MAML3: variants seen among roughly 807,000 people sequenced by gnomAD.
MAML3 encodes mastermind-like protein 3.
Under a neutral mutation model 101.9 loss-of-function variants are expected in MAML3, and 27 were observed. That is an observed-to-expected ratio of 0.27 (90% CI 0.20 to 0.37). The LOEUF (loss-of-function observed/expected upper bound fraction) is 0.37, where lower values mean the gene tolerates loss of function less well. Ranked by LOEUF, MAML3 falls within the 10% of genes least tolerant of loss-of-function variation. MAML3 has a pLI of 1.00. For synonymous variants in MAML3, 501 were observed against 555.9 expected (o/e 0.90, Z 1.39); for missense variants, 1,316 against 1,444.9 (o/e 0.91, Z 1.45).
chr4:139,732,117 T>C (rs1728749457), intron 2 of MAML3, among the ~76,000 whole-genome samples: 1 of 152,212 alleles, frequency 6.6e-6, no homozygotes, highest in African/African-American at 2.4e-5. Context: ...AAGAAGCAAA[T>C]GTGAATAACT....
intron 1 of MAML3, among the ~76,000 whole-genome samples, chr4:140,104,408 A>AAT (rs1553976077): frequency 5.8e-4 from 32 of 54,940 alleles, no homozygotes; most frequent in African/African-American, 2.9e-3. Context: ...TATAATATAT[A>AAT]ATATAATATA....
intron 1 of MAML3, among the ~76,000 whole-genome samples, chr4:139,986,078 T>C (rs1033173546): frequency 6.6e-6 from 1 of 152,240 alleles, no homozygotes; most frequent in Non-Finnish European, 1.5e-5. Flanking sequence ...AGGGTCAGGA[T>C]AAGCAGAAGA....
chr4:140,073,390 G>A (rs1210573934), intron 1 of MAML3, among the ~76,000 whole-genome samples: 4 of 152,068 alleles, frequency 2.6e-5, no homozygotes, highest in Non-Finnish European at 4.4e-5. Flanking sequence ...CACCCACGTA[G>A]GTCTCCCAAA....
intron 1 of MAML3, among the ~76,000 whole-genome samples, chr4:140,092,104 G>GTATATATATATATATACGTATATA (rs1416440469): frequency 1.5e-3 from 115 of 79,160 alleles, no homozygotes; most frequent in African/African-American, 4.6e-3. Context: ...ATATATATAC[G>GTATATATATATATATACGTATATA]TATATATATA....
At chr4:139,809,358 T>C (rs28528769) in intron 2 of MAML3, among the ~76,000 whole-genome samples, 4,242 of 152,348 alleles carry the variant, frequency 0.028, 205 homozygotes, top group African/African-American at 0.096. Flanking sequence ...TGCTCTTAGC[T>C]GCTGATTTTA....
intron 2 of MAML3, among the ~76,000 whole-genome samples, chr4:139,845,408 G>A (rs1220826941): frequency 1.3e-5 from 2 of 152,322 alleles, no homozygotes; most frequent in South Asian, 4.1e-4. Flanking sequence ...AACTGGCAGA[G>A]ACACATAGGT....
chr4:139,797,765 A>G (rs1730536817), intron 2 of MAML3, among the ~76,000 whole-genome samples: 1 of 152,158 alleles, frequency 6.6e-6, no homozygotes, highest in Non-Finnish European at 1.5e-5. Context: ...CCCCCCAAAA[A>G]AGACTTGAAG....
At chr4:139,991,386 T>C (rs1457279958) in intron 1 of MAML3, among the ~76,000 whole-genome samples, 2 of 152,170 alleles carry the variant, frequency 1.3e-5, no homozygotes, top group East Asian at 3.9e-4. Context: ...CCTTACACCT[T>C]ATACAAAAAT....
chr4:140,014,292 G>A (rs544078401), intron 1 of MAML3, among the ~76,000 whole-genome samples: 4 of 152,210 alleles, frequency 2.6e-5, no homozygotes, highest in East Asian at 3.9e-4. Context: ...GACAAAGCAC[G>A]ATAAATGATC....
intron 3 of MAML3, among the ~76,000 whole-genome samples, chr4:139,726,430 T>C (rs1326047843): frequency 6.6e-6 from 1 of 152,204 alleles, no homozygotes; most frequent in Non-Finnish European, 1.5e-5. Context: ...CATCTGTATG[T>C]ATTTCTGATG....
At chr4:139,812,988 A>AAG (rs397736765) in intron 2 of MAML3, among the ~76,000 whole-genome samples, 4 of 143,080 alleles carry the variant, frequency 2.8e-5, no homozygotes, top group East Asian at 1.9e-4. Flanking sequence ...AAAAAAAAAA[A>AAG]GGGGAGAACC....
intron 1 of MAML3, among the ~76,000 whole-genome samples, chr4:139,925,529 C>T (rs554823914): frequency 6.6e-4 from 100 of 151,774 alleles, no homozygotes; most frequent in Non-Finnish European, 1.3e-3. Flanking sequence ...TGGATCCGGC[C>T]CCAGTCCCTG....
chr4:139,921,763 G>A (rs1733134896), intron 1 of MAML3, among the ~76,000 whole-genome samples: 1 of 152,130 alleles, frequency 6.6e-6, no homozygotes, highest in South Asian at 2.1e-4. Context: ...ACCTTAAGCT[G>A]CCAGCACTAC....
rs1451491703 is a variant in MAML3, at chr4:139,716,975, A to T, written c.*2348T>A. 2.0e-5 allele frequency: 3 copies of T among 152,636 alleles called. No homozygotes were observed. The highest frequency in any genetic ancestry group is 4.4e-5 in the Non-Finnish European group (3 of 68,032). The allele number at this position is 152,636 out of a possible 1,614,324, so 9.5% of individuals were successfully genotyped here. ...AGTAATTAGATGTCATCTGAAGTGCAATACCACTGCTGTGATGATGAGTTA... is the reference window on the plus strand; with the variant it reads ...AGTAATTAGATGTCATCTGAAGTGCTATACCACTGCTGTGATGATGAGTTA... On this transcript the variant is annotated 3_prime_UTR_variant, in exon 5 of 5. Coordinates refer to ENST00000509479, the MANE Select transcript of MAML3 (RefSeq NM_018717.5).
chr4:139,786,202 C>T lies in MAML3; in HGVS notation c.2080-55535G>A, dbSNP rs1223017531. Among the ~76,000 whole-genome samples the T allele has an allele frequency of 2.0e-5, 3 of 152,030 alleles. No individual in the cohort carries two copies. In the East Asian group the frequency reaches 5.8e-4, roughly 29 times the overall value. On this transcript the variant is annotated intron_variant, in intron 2 of 4. Coordinates refer to ENST00000509479, the MANE Select transcript of MAML3 (RefSeq NM_018717.5). ...AAGAAACCAACCTGGCCAACAGCTT[C>T]ACCTCAGCCTTCCAGCCTCCAGAGC...
At chr4:139,803,228 T>G (rs1730640416) in intron 2 of MAML3, among the ~76,000 whole-genome samples, 1 of 152,166 alleles carries the variant, frequency 6.6e-6, no homozygotes, top group African/African-American at 2.4e-5. Flanking sequence ...TGCATGCCAG[T>G]CTGGGCAACA....
Position 139,889,864 on chromosome 4 carries a change from G to A in MAML3, c.1572C>T (p.Pro524=). Residue 524 remains proline, a synonymous_variant, in exon 2 of 5, where the codon CCC becomes CCT. Coordinates refer to ENST00000509479, the MANE Select transcript of MAML3 (RefSeq NM_018717.5). ...TAAAAGCTGCTCCATATGGACTAGA[G>A]GGAGGTCCTAAGGGAGACCAATTTG... ...QTSNWSPLGP[P]SSPYGAAFTA... The A allele has an allele frequency of 1.9e-6, 3 of 1,613,376 alleles. No individual in the cohort carries two copies. In the South Asian group the frequency reaches 3.3e-5, roughly 18 times the overall value.
chr4:139,894,989 AAAGTCC>A (rs557497203), intron 1 of MAML3, among the ~76,000 whole-genome samples: 7 of 152,250 alleles, frequency 4.6e-5, no homozygotes, highest in African/African-American at 1.7e-4. Context: ...TCGATTTTAG[AAAGTCC>A]AAGTCCATGA....
At chr4:139,942,490 C>T (rs902115795) in intron 1 of MAML3, among the ~76,000 whole-genome samples, 2 of 152,184 alleles carry the variant, frequency 1.3e-5, no homozygotes, top group African/African-American at 2.4e-5. Context: ...GGAACTGGAG[C>T]AGACACATCT....
Sources: gnomAD v4.1 joint callset for allele counts (sites outside exome capture counted in the v4.1 genomes callset) on GRCh38, gnomAD v4.1.1 for gene constraint, MANE v1.5 for transcripts, NCBI Gene and HGNC (gene_info 2026-07-23, HGNC 2026-07-21) for gene names.